Variants in NEBL observed in about 807,000 individuals in gnomAD.
The protein encoded by NEBL is nebulette.
A neutral mutation model predicts 140.2 loss-of-function variants in NEBL; 122 were observed. The observed-to-expected ratio is 0.87, with a 90% CI of 0.75 to 1.01. The LOEUF is 1.01. NEBL is among the 50% of genes least tolerant of loss of function. The probability of loss-of-function intolerance (pLI) is 0.00; values close to 1 mark genes in which losing one functional copy is unlikely to be tolerated. For synonymous variants in NEBL, 436 were observed against 398.9 expected, an observed-to-expected ratio of 1.09 and a Z score of -1.11; for missense variants, 1,365 against 1,231.3, an observed-to-expected ratio of 1.11 and a Z score of -1.62.
chr10:20,816,598 A>G (rs966966764), intron 21 of NEBL, among the ~76,000 whole-genome samples: 1 of 152,244 alleles, frequency 6.6e-6, no homozygotes, highest in Non-Finnish European at 1.5e-5. Flanking sequence ...TTTGCATTAT[A>G]AACTGGTAAA....
In NEBL at chr10:20,800,488, T is replaced by C. The variant is rs190838971; in HGVS notation, c.2761+8022A>G. The stretch of plus-strand genomic sequence containing the variant: ...TTTCATCTACTTTGGGTTGGGTATA[T>C]ACCAGAAGAGGAACTGCTGAGTTGT... On this transcript the variant is annotated intron_variant, in intron 26 of 27. Coordinates refer to ENST00000377122, the MANE Select transcript of NEBL (RefSeq NM_006393.3). Among the ~76,000 whole-genome samples the C allele has an allele frequency of 1.3e-4, 20 of 152,302 alleles. 1 individual carries two copies. Among genetic ancestry groups the C allele is most frequent in the Admixed American group, 9.8e-4 (15 of 15,294 alleles).
At chr10:20,833,556 G>T (rs1447242600) in intron 14 of NEBL, among the ~76,000 whole-genome samples, 4 of 152,002 alleles carry the variant, frequency 2.6e-5, no homozygotes, top group African/African-American at 9.7e-5. Flanking sequence ...AGAGCCACGT[G>T]AATCAATTTA....
At chr10:21,161,015 TC>T (rs1840537930) in intron 2 of NEBL, among the ~76,000 whole-genome samples, 1 of 152,136 alleles carries the variant, frequency 6.6e-6, no homozygotes. Context: ...CATCATTTGT[TC>T]CATTGCATGT....
chr10:21,276,117 T>A (rs1209876684), intron 1 of NEBL, among the ~76,000 whole-genome samples: 1 of 151,852 alleles, frequency 6.6e-6, no homozygotes, highest in African/African-American at 2.4e-5. Context: ...ACTACAGGTG[T>A]GCACAACCAT....
At chr10:21,161,380 T>A (rs1461746207) in intron 2 of NEBL, among the ~76,000 whole-genome samples, 1 of 151,966 alleles carries the variant, frequency 6.6e-6, no homozygotes. Flanking sequence ...ATGCCTAGAA[T>A]AAGGCTAAGC....
In NEBL at chr10:21,267,442, G is replaced by T. The variant is rs139451792; in HGVS notation, n.183-15614C>A. 9.2e-5 allele frequency among the ~76,000 whole-genome samples: 14 copies of T among 152,336 alleles called. No homozygotes were observed. The East Asian group carries it at 2.7e-3, about 29-fold the overall frequency. ...TGTTCTGATGTGTCTTATTTGGATA[G>T]TTGGGAAAAAAAACTTTTCCCAGAA... On this transcript the variant is annotated intron_variant and non_coding_transcript_variant, in intron 1 of 8. Coordinates refer to the NEBL transcript ENST00000675702.
upstream of NEBL, among the ~76,000 whole-genome samples, chr10:21,179,716 A>T (rs1331970709): frequency 7.0e-6 from 1 of 142,658 alleles, no homozygotes; most frequent in Non-Finnish European, 1.5e-5. Flanking sequence ...TCAGGGAAAG[A>T]GATGTGACAA....
intron 4 of NEBL, among the ~76,000 whole-genome samples, chr10:20,919,409 C>G (rs1589011763): frequency 1.3e-5 from 2 of 152,122 alleles, no homozygotes; most frequent in Non-Finnish European, 2.9e-5. Context: ...CCATTTCAAA[C>G]TTTATGTTTC....
intron 5 of NEBL, among the ~76,000 whole-genome samples, chr10:20,875,858 G>A (rs1490397664): frequency 6.6e-6 from 1 of 152,162 alleles, no homozygotes; most frequent in Non-Finnish European, 1.5e-5. Context: ...AAACTAGACA[G>A]GATATATAAC....
intron 2 of NEBL, among the ~76,000 whole-genome samples, chr10:21,087,537 T>C (rs931983674): frequency 3.9e-5 from 6 of 152,178 alleles, no homozygotes; most frequent in Admixed American, 2.0e-4. Flanking sequence ...GAATTCACAA[T>C]CCACCTCTCC....
chr10:20,814,018 T>G lies in NEBL; in HGVS notation c.2267A>C (p.Gln756Pro), dbSNP rs1043619687. ...AATCAGACTTGGTCTACCTTTCATC[T>G]GTTTATGGTCCTGGGTATATTTTAC... ...SSVKYTQDHK[Q>P]MKGRPSLILD... is the part of the protein sequence containing the mutation. The change falls in exon 23 of 28, where the codon CAG becomes CCG. Residue 756 changes from glutamine (Q) to proline (P), a missense_variant. This residue lies in a region of NEBL where 1,323 missense variants were observed against 1,154.8 expected (regional missense o/e 1.15). Transcript: ENST00000377122. The G allele has an allele frequency of 1.1e-5, 18 of 1,608,240 alleles. No homozygotes were observed. Among genetic ancestry groups the G allele is most frequent in the Non-Finnish European group, 1.4e-5 (17 of 1,174,828 alleles).
At position 21,173,864 on chromosome 10, in the gene NEBL, C is replaced by T. The variant is rs1200475294; in HGVS notation, c.-31G>A. ...CGGTTCCCGGGGGCGGCGGCGGCGG[C>T]GGCTGCTGGCTCCCAGGAGCCGCTG... On this transcript the variant is annotated 5_prime_UTR_variant, in exon 1 of 7. Coordinates refer to the NEBL transcript ENST00000417816. The surrounding 1 kb of genome is among the most constrained non-coding windows in gnomAD (Gnocchi z 5.7). 1.2e-6 allele frequency: 2 copies of T among 1,605,552 alleles called. No individual in the cohort carries two copies. The highest frequency in any genetic ancestry group is 2.7e-5 in the African/African-American group (2 of 74,744).
intron 2 of NEBL, among the ~76,000 whole-genome samples, chr10:21,133,518 C>A (rs918013186): frequency 6.6e-6 from 1 of 152,114 alleles, no homozygotes; most frequent in Non-Finnish European, 1.5e-5. Context: ...AAGTTATTCT[C>A]TTTTCTGTGT....
chr10:21,156,039 T>C (rs562532445), intron 2 of NEBL, among the ~76,000 whole-genome samples: 11 of 152,250 alleles, frequency 7.2e-5, no homozygotes, highest in East Asian at 3.9e-4. Context: ...CAACGGTTCA[T>C]AGAAAAGTTA....
At chr10:21,066,385 T>C (rs1302961041) in intron 2 of NEBL, among the ~76,000 whole-genome samples, 1 of 152,192 alleles carries the variant, frequency 6.6e-6, no homozygotes, top group Non-Finnish European at 1.5e-5. Context: ...ATGATAGCAA[T>C]TCGTTGTTGA....
chr10:21,277,827 T>A (rs1425623397), intron 1 of NEBL, among the ~76,000 whole-genome samples: 3 of 152,174 alleles, frequency 2.0e-5, no homozygotes, highest in Admixed American at 2.0e-4. Flanking sequence ...CTTTCTTTCT[T>A]TCTTTTTTAA....
chr10:20,816,217 T>C (rs755537384), intron 21 of NEBL, among the ~76,000 whole-genome samples: 1 of 152,216 alleles, frequency 6.6e-6, no homozygotes, highest in Non-Finnish European at 1.5e-5. Flanking sequence ...TCCAAATCAC[T>C]GTGGATGTAC....
In NEBL at chr10:21,001,175, T is replaced by C. The variant is rs879514941; in HGVS notation, c.249+18942A>G. 1.2e-3 allele frequency among the ~76,000 whole-genome samples: 188 copies of C among 152,192 alleles called. 1 individual carries two copies. The highest frequency in any genetic ancestry group is 2.2e-3 in the Non-Finnish European group (151 of 68,010). On this transcript the variant is annotated intron_variant, in intron 3 of 6. Transcript: ENST00000417816. ...CCAGGCCTAGACTCTATTGCCTGCT[T>C]CCCCAGGTCCAGCCAGCCGACAGAC...
At chr10:21,070,961 G>C (rs1835789885) in intron 2 of NEBL, among the ~76,000 whole-genome samples, 1 of 151,944 alleles carries the variant, frequency 6.6e-6, no homozygotes, top group Non-Finnish European at 1.5e-5. Context: ...AGGATCTCTT[G>C]AGGCCAGGAG....
Sources: gnomAD v4.1 joint callset for allele counts (sites outside exome capture counted in the v4.1 genomes callset) on GRCh38, gnomAD v4.1.1 for gene constraint, gnomAD v4.1.1 regional missense constraint, Gnocchi (gnomAD v3.1) non-coding constraint, MANE v1.5 for transcripts, NCBI Gene and HGNC (gene_info 2026-07-23, HGNC 2026-07-21) for gene names.